SGMS1: variants seen among roughly 807,000 people sequenced by gnomAD.
SGMS1 encodes sphingomyelin synthase 1, also known as phosphatidylcholine:ceramide cholinephosphotransferase 1.
SGMS1 carries 13 observed loss-of-function variants against 46.2 expected under a neutral mutation model. The observed-to-expected ratio is 0.28, with a 90% confidence interval of 0.18 to 0.45. The LOEUF is 0.45. SGMS1 is among the 20% of genes least tolerant of loss of function. The pLI is 1.00. For missense variants in SGMS1, 324 were observed against 519.9 expected, an observed-to-expected ratio of 0.62 and a Z score of 3.66; for synonymous variants, 203 against 187.8, an observed-to-expected ratio of 1.08 and a Z score of -0.66.
intron 3 of SGMS1, among the ~76,000 whole-genome samples, chr10:50,478,999 C>A (rs1481055586): frequency 7.3e-6 from 1 of 137,670 alleles, no homozygotes; most frequent in Non-Finnish European, 1.7e-5. Flanking sequence ...CCATCCACCC[C>A]CCAACCAGTT....
chr10:50,605,673 C>T (rs752073471), intron 1 of SGMS1, among the ~76,000 whole-genome samples: 1 of 152,162 alleles, frequency 6.6e-6, no homozygotes, highest in Non-Finnish European at 1.5e-5. Flanking sequence ...ACTGTAAAGG[C>T]AGAATTTCCT....
At chr10:50,450,968 C>CA (rs1282949521) in intron 5 of SGMS1, among the ~76,000 whole-genome samples, 1 of 149,564 alleles carries the variant, frequency 6.7e-6, no homozygotes, top group Admixed American at 6.7e-5. Flanking sequence ...AAAATTTGAA[C>CA]AAAAAATAAC....
upstream of SGMS1, chr10:50,624,166 A>C (rs563528407): frequency 2.0e-6 from 2 of 979,600 alleles, no homozygotes; most frequent in Non-Finnish European, 2.4e-6. Context: ...GAAACTGAGG[A>C]GGCGGGCGCT....
At chr10:50,552,378 A>G (rs74321147) in intron 2 of SGMS1, among the ~76,000 whole-genome samples, 413 of 152,336 alleles carry the variant, frequency 2.7e-3, no homozygotes, top group African/African-American at 9.6e-3. Context: ...ATGTAAGTAG[A>G]CATACCCTTT....
intron 7 of SGMS1, chr10:50,335,637 A>G (rs1378709880): frequency 6.6e-6 from 1 of 152,202 alleles, no homozygotes; most frequent in African/African-American, 2.4e-5. Context: ...AGATGTGGTG[A>G]CTTCTAAATC....
chr10:50,577,696 A>G (rs1284490030), intron 2 of SGMS1, among the ~76,000 whole-genome samples: 1 of 152,246 alleles, frequency 6.6e-6, no homozygotes, highest in East Asian at 1.9e-4. Context: ...TAGAGTAATA[A>G]CAGGCCAACG....
intron 6 of SGMS1, among the ~76,000 whole-genome samples, chr10:50,394,214 T>C (rs536701218): frequency 6.6e-6 from 1 of 152,360 alleles, no homozygotes; most frequent in East Asian, 1.9e-4. Flanking sequence ...CTGAGCCAAA[T>C]GTTACAGGCC....
chr10:50,388,656 C>A (rs1200372637), intron 6 of SGMS1, among the ~76,000 whole-genome samples: 1 of 151,862 alleles, frequency 6.6e-6, no homozygotes, highest in East Asian at 1.9e-4. Flanking sequence ...CAAAAGAGTG[C>A]CTCACATATA....
At chr10:50,377,613 G>A (rs1197227304) in intron 6 of SGMS1, among the ~76,000 whole-genome samples, 1 of 152,138 alleles carries the variant, frequency 6.6e-6, no homozygotes, top group Non-Finnish European at 1.5e-5. Flanking sequence ...GAACTGCAAT[G>A]GGTTGAGATT....
At chr10:50,344,447 G>C (rs980795451) in intron 6 of SGMS1, 102 bp from the exon 7 acceptor site, 1 of 223,864 alleles carries the variant, frequency 4.5e-6, no homozygotes, top group East Asian at 9.5e-5. Context: ...CCAGTTATTG[G>C]TAAACTTAAT....
intron 6 of SGMS1, among the ~76,000 whole-genome samples, chr10:50,355,595 A>G (rs1373712596): frequency 1.3e-5 from 2 of 152,094 alleles, no homozygotes; most frequent in Non-Finnish European, 2.9e-5. Flanking sequence ...CCCAGGCTGG[A>G]GTGCAGTGGC....
intron 6 of SGMS1, among the ~76,000 whole-genome samples, chr10:50,390,518 G>A (rs1848751758): frequency 6.6e-6 from 1 of 152,200 alleles, no homozygotes; most frequent in African/African-American, 2.4e-5. Context: ...GTAGTCTGTA[G>A]TCCTAGCTCT....
At chr10:50,517,795 TA>T (rs1237019059) in intron 3 of SGMS1, among the ~76,000 whole-genome samples, 3 of 151,220 alleles carry the variant, frequency 2.0e-5, no homozygotes, top group Non-Finnish European at 4.4e-5. Context: ...AATCATCTAC[TA>T]AAAAAAATAG....
intron 2 of SGMS1, among the ~76,000 whole-genome samples, chr10:50,560,083 AT>A (rs1838220698): frequency 6.8e-6 from 1 of 147,442 alleles, no homozygotes; most frequent in Non-Finnish European, 1.5e-5. Context: ...ATAGACATAT[AT>A]TACCTTAGGT....
At chr10:50,534,677 G>T (rs949071981) in intron 2 of SGMS1, among the ~76,000 whole-genome samples, 1 of 152,226 alleles carries the variant, frequency 6.6e-6, no homozygotes, top group Non-Finnish European at 1.5e-5. Context: ...TAGTTGAATA[G>T]TATGCAGCCA....
intron 2 of SGMS1, among the ~76,000 whole-genome samples, chr10:50,581,895 T>C (rs1328172714): frequency 6.6e-6 from 1 of 152,192 alleles, no homozygotes; most frequent in Non-Finnish European, 1.5e-5. Flanking sequence ...TGGTAAACAA[T>C]TTCTTGTCAA....
At chr10:50,462,733 C>T (rs138825290) in intron 4 of SGMS1, among the ~76,000 whole-genome samples, 108 of 151,790 alleles carry the variant, frequency 7.1e-4, no homozygotes, top group East Asian at 4.8e-3. Flanking sequence ...TTAGTAAAAA[C>T]GAAAAAAGAT....
intron 6 of SGMS1, among the ~76,000 whole-genome samples, chr10:50,357,746 C>T (rs908497449): frequency 2.0e-5 from 3 of 152,036 alleles, no homozygotes; most frequent in East Asian, 1.9e-4. Context: ...CTTGACGATT[C>T]GATGGACTTT....
intron 3 of SGMS1, among the ~76,000 whole-genome samples, chr10:50,504,153 T>G (rs1387879356): frequency 1.3e-5 from 2 of 152,204 alleles, no homozygotes; most frequent in Admixed American, 1.3e-4. Context: ...GAATTCATCA[T>G]GCAGGGTACC....
Sources: gnomAD v4.1 joint callset for allele counts (sites outside exome capture counted in the v4.1 genomes callset) on GRCh38, gnomAD v4.1.1 for gene constraint, MANE v1.5 for transcripts, NCBI Gene and HGNC (gene_info 2026-07-23, HGNC 2026-07-21) for gene names.